The following ANO3 variants were observed in gnomAD, a reference collection of about 807,000 sequenced individuals.
ANO3 encodes anoctamin 3.
Under a neutral mutation model 144.8 loss-of-function variants are expected in ANO3, and 99 were observed. That is an observed-to-expected ratio of 0.68 (90% confidence interval 0.58 to 0.81). ANO3 has a LOEUF of 0.81. Among genes scored for constraint, ANO3 ranks in the 30% least tolerant of loss-of-function variants. The probability of loss-of-function intolerance (pLI) is 0.00; values close to 1 mark genes in which losing one functional copy is unlikely to be tolerated. For missense variants in ANO3, 905 were observed against 1,202.2 expected (o/e 0.75, Z 3.66); for synonymous variants, 414 against 392.6 (o/e 1.05, Z -0.64).
chr11:26,321,163 G>T (rs1009660949), intron 1 of ANO3, among the ~76,000 whole-genome samples: 2 of 151,610 alleles, frequency 1.3e-5, no homozygotes, highest in African/African-American at 4.8e-5. Context: ...AAACTATTTT[G>T]TCATCAAGAT....
intron 4 of ANO3, among the ~76,000 whole-genome samples, chr11:26,475,973 C>A (rs780064798): frequency 2.0e-5 from 3 of 152,054 alleles, no homozygotes; most frequent in Non-Finnish European, 4.4e-5. Flanking sequence ...AACTGGACTC[C>A]TCCCCCCAGA....
chr11:26,526,782 C>A (rs564298411), intron 7 of ANO3, among the ~76,000 whole-genome samples: 2 of 152,094 alleles, frequency 1.3e-5, no homozygotes, highest in East Asian at 1.9e-4. Context: ...GCTCTTCAAC[C>A]GAGTCACATT....
chr11:26,219,825 AGCT>A lies in ANO3; in HGVS notation c.154+30498_154+30500del, dbSNP rs201734384. On this transcript the variant is annotated intron_variant, in intron 1 of 27. Coordinates refer to the ANO3 transcript ENST00000672621. ...AAGCTGGTCCATCAAGGCTAAGGAA[AGCT>A]GCCTAGGGTGGATGGAATCTTAAAT... is the stretch of plus-strand genomic sequence containing the variant. Among the ~76,000 whole-genome samples the A allele has an allele frequency of 4.4e-3, 668 of 152,308 alleles. 25 individuals are homozygous for A. The highest frequency in any genetic ancestry group is 0.032 in the Admixed American group (494 of 15,294).
At chr11:26,372,027 C>T (rs1347883971) in intron 1 of ANO3, among the ~76,000 whole-genome samples, 2 of 151,994 alleles carry the variant, frequency 1.3e-5, no homozygotes, top group Admixed American at 1.3e-4. Context: ...TTGGGAGGGA[C>T]CAGGGATGGA....
chr11:26,333,528 C>T (rs535178810), intron 1 of ANO3, among the ~76,000 whole-genome samples: 1 of 152,224 alleles, frequency 6.6e-6, no homozygotes, highest in Non-Finnish European at 1.5e-5. Context: ...GTGATCCGCC[C>T]GCCTTAGCCT....
intron 4 of ANO3, among the ~76,000 whole-genome samples, chr11:26,467,128 G>C (rs983119956): frequency 1.3e-5 from 2 of 151,856 alleles, no homozygotes; most frequent in Non-Finnish European, 2.9e-5. Flanking sequence ...GTTAACAGCA[G>C]TCACAAACAT....
intron 5 of ANO3, among the ~76,000 whole-genome samples, chr11:26,509,609 G>A (rs970161420): frequency 2.6e-5 from 4 of 152,028 alleles, no homozygotes; most frequent in African/African-American, 7.2e-5. Context: ...TCCTGCGCCC[G>A]GCGCTACTAT....
At chr11:26,521,811 A>G (rs946893247) in intron 6 of ANO3, among the ~76,000 whole-genome samples, 1 of 152,206 alleles carries the variant, frequency 6.6e-6, no homozygotes, top group African/African-American at 2.4e-5. Context: ...GTACCCAGAT[A>G]GGGCCAACCT....
chr11:26,227,965 GCCTA>G (rs1852290419), intron 1 of ANO3, among the ~76,000 whole-genome samples: 1 of 152,146 alleles, frequency 6.6e-6, no homozygotes, highest in African/African-American at 2.4e-5. Flanking sequence ...AAAAACTTAA[GCCTA>G]CCTATTAAAA....
At chr11:26,481,490 AG>A (rs548556666) in intron 4 of ANO3, among the ~76,000 whole-genome samples, 63 of 152,318 alleles carry the variant, frequency 4.1e-4, no homozygotes, top group Admixed American at 9.8e-4. Flanking sequence ...AAGATGATGA[AG>A]GGAAGTTCAT....
intron 1 of ANO3, among the ~76,000 whole-genome samples, chr11:26,420,645 C>G (rs1011225780): frequency 6.6e-6 from 1 of 152,004 alleles, no homozygotes; most frequent in African/African-American, 2.4e-5. Context: ...GATTTCCTCT[C>G]CCTTAGCTAT....
chr11:26,198,841 C>A (rs1481328014), intron 1 of ANO3, among the ~76,000 whole-genome samples: 1 of 152,150 alleles, frequency 6.6e-6, no homozygotes. Context: ...TGAGCCAGTA[C>A]GTTTCTTAAT....
intron 1 of ANO3, among the ~76,000 whole-genome samples, chr11:26,280,227 A>G (rs1477189250): frequency 1.3e-5 from 2 of 152,198 alleles, no homozygotes; most frequent in Non-Finnish European, 2.9e-5. Flanking sequence ...CACTACAAAG[A>G]GTTGTCTTGT....
chr11:26,400,955 C>G (rs1857132588), intron 1 of ANO3, among the ~76,000 whole-genome samples: 1 of 151,802 alleles, frequency 6.6e-6, no homozygotes, highest in South Asian at 2.1e-4. Flanking sequence ...CCATGAACTA[C>G]TTCATCCTAA....
chr11:26,254,893 A>G (rs936246631), intron 1 of ANO3, among the ~76,000 whole-genome samples: 8 of 152,166 alleles, frequency 5.3e-5, no homozygotes, highest in Admixed American at 2.0e-4. Flanking sequence ...ATTCGTCCTC[A>G]AAACAACCAT....
intron 14 of ANO3, among the ~76,000 whole-genome samples, chr11:26,587,935 C>A (rs1400415283): frequency 1.6e-4 from 12 of 72,878 alleles, no homozygotes; most frequent in Admixed American, 1.7e-4. Context: ...GAAACTCTGT[C>A]TCAAAAAAAA....
At chr11:26,575,622 A>G (rs755339919) in intron 14 of ANO3, among the ~76,000 whole-genome samples, 12 of 152,180 alleles carry the variant, frequency 7.9e-5, no homozygotes, top group Non-Finnish European at 1.5e-4. Context: ...ACGACTATTT[A>G]AATATATAAT....
intron 8 of ANO3, 36 bp downstream of exon 8, chr11:26,531,372 A>G: frequency 1.3e-6 from 2 of 1,577,254 alleles, no homozygotes; most frequent in Non-Finnish European, 8.6e-7. Context: ...GCCTACCTTT[A>G]TATCTTGGTG....
intron 21 of ANO3, among the ~76,000 whole-genome samples, chr11:26,640,797 C>T (rs1853123842): frequency 6.6e-6 from 1 of 152,090 alleles, no homozygotes; most frequent in African/African-American, 2.4e-5. Flanking sequence ...GTAGACCAGC[C>T]ATTAAAGCAA....
Sources: allele counts gnomAD v4.1 joint callset (sites outside exome capture counted in the v4.1 genomes callset), GRCh38; gene constraint gnomAD v4.1.1; transcripts MANE v1.5; gene names NCBI Gene and HGNC (gene_info 2026-07-23, HGNC 2026-07-21).